POLR1A: variants seen among roughly 807,000 people sequenced by gnomAD.
POLR1A encodes the protein DNA-directed RNA polymerase I subunit RPA1.
Under a neutral mutation model 205.3 loss-of-function variants are expected in POLR1A, and 84 were observed. The observed-to-expected ratio is 0.41, with a 90% CI of 0.34 to 0.49. POLR1A has a LOEUF of 0.49. Among genes scored for constraint, POLR1A ranks in the 20% least tolerant of loss-of-function variants. The pLI, the probability that POLR1A is intolerant of heterozygous loss-of-function variation, is 0.22. For missense variants in POLR1A, 1,645 were observed against 2,204.5 expected (o/e 0.75, Z 5.08); for synonymous variants, 799 against 863.7 (o/e 0.93, Z 1.31).
chr2:86,061,987 T>A (rs954526052), intron 14 of POLR1A, among the ~76,000 whole-genome samples: 40 of 152,220 alleles, frequency 2.6e-4, no homozygotes, highest in Non-Finnish European at 2.2e-4. Flanking sequence ...TCTCTTTCTT[T>A]GCATGCTCTT....
intron 24 of POLR1A, among the ~76,000 whole-genome samples, chr2:86,041,183 G>A (rs1276471497): frequency 6.6e-5 from 6 of 90,346 alleles, no homozygotes; most frequent in African/African-American, 2.0e-4. Flanking sequence ...GTGTGTGTGT[G>A]TGTGTGTGCG....
At chr2:86,075,799 C>T (rs911562732) in intron 11 of POLR1A, among the ~76,000 whole-genome samples, 3 of 152,230 alleles carry the variant, frequency 2.0e-5, no homozygotes, top group South Asian at 2.1e-4. Context: ...TGAGCCACCG[C>T]GCCCAGCCAA....
chr2:86,028,336 C>A lies in POLR1A; in HGVS notation c.4897+258G>T, dbSNP rs576781888. ...CTGAAACCCCAAAGGCAGGATGGGG[C>A]CAAGTTATCAATCAGGAGCTTTCTC... On this transcript the variant is annotated intron_variant, in intron 32 of 33. Transcript: ENST00000263857. The surrounding 1 kb of genome is among the most constrained non-coding windows in gnomAD (Gnocchi z 4.5). Among the ~76,000 whole-genome samples the A allele has an allele frequency of 1.3e-5, 2 of 152,324 alleles. No homozygotes were observed. Among genetic ancestry groups the A allele is most frequent in the Middle Eastern group, 3.4e-3 (1 of 294 alleles).
chr2:86,047,638 C>T (rs1672733050), intron 18 of POLR1A, among the ~76,000 whole-genome samples: 1 of 152,176 alleles, frequency 6.6e-6, no homozygotes, highest in Non-Finnish European at 1.5e-5. Context: ...CTTGATTCGC[C>T]CAGCAGAGCC....
chr2:86,053,026 C>T (rs200172331), intron 15 of POLR1A, 26 bp from the exon 16 acceptor site: 21 of 1,517,150 alleles, frequency 1.4e-5, no homozygotes, highest in East Asian at 9.9e-5. Flanking sequence ...CCACCAATGC[C>T]GGGCTGCGGG....
In POLR1A at chr2:86,032,331, C is replaced by T; in HGVS notation, c.4213G>A (p.Ala1405Thr). The T allele has an allele frequency of 6.2e-7, 1 of 1,613,874 alleles. No individual in the cohort carries two copies. The highest frequency in any genetic ancestry group is 8.5e-7 in the Non-Finnish European group (1 of 1,179,760). ...EEEGHIVDAE[A>T]EEGDADASDA... Reference sequence around the variant, plus strand: ...GAGGCATCGGCGTCCCCCTCCTCAGCTTCAGCATCCACAATGTGCCCCTCC... The same window carrying T: ...GAGGCATCGGCGTCCCCCTCCTCAGTTTCAGCATCCACAATGTGCCCCTCC... The change falls in exon 29 of 34, where the codon GCT becomes ACT. Residue 1405 changes from alanine (A) to threonine (T), a missense_variant. Around this residue, in one of 16 missense-constraint regions of POLR1A, gnomAD observed 394 missense variants for 468.5 expected, o/e 0.84. Coordinates refer to ENST00000263857, the MANE Select transcript of POLR1A (RefSeq NM_015425.6).
intron 14 of POLR1A, among the ~76,000 whole-genome samples, chr2:86,057,851 T>C (rs1672923499): frequency 6.6e-6 from 1 of 152,148 alleles, no homozygotes; most frequent in African/African-American, 2.4e-5. Context: ...TTTGGAGTGA[T>C]GGAAATGTTC....
Position 86,027,267 on chromosome 2 carries a change from C to A in POLR1A, c.*156G>T. On this transcript the variant is annotated 3_prime_UTR_variant, in exon 34 of 34. Transcript: ENST00000263857. The stretch of plus-strand genomic sequence containing the variant: ...AGGTGAAGCTGGCCCAGCTCAGAGG[C>A]CCACTGCTTTCAGGCCCAAGGTCGC... 1 of 653,328 alleles carries A rather than the reference C, an allele frequency of 1.5e-6. No individual in the cohort carries two copies. The allele number at this position is 653,328 out of a possible 1,614,324, so 40.5% of individuals were successfully genotyped here.
chr2:86,049,725 GCA>G (rs1453902658), intron 16 of POLR1A, among the ~76,000 whole-genome samples: 1 of 152,080 alleles, frequency 6.6e-6, no homozygotes, highest in African/African-American at 2.4e-5. Context: ...ACCTGTGTAG[GCA>G]CACACACAGA....
At position 86,075,208 on chromosome 2, in the gene POLR1A, T is replaced by G. The variant is rs1673260068; in HGVS notation, c.1433A>C (p.Gln478Pro). ...GTTGATGACCGCTTGCCTAAGTTCCTGAACATTCCATGGGGTAACTGGCTG... is the reference window on the plus strand; with the variant it reads ...GTTGATGACCGCTTGCCTAAGTTCCGGAACATTCCATGGGGTAACTGGCTG... ...YPQPVTPWNVQELRQAVINGP... is the reference protein window; with the variant it reads ...YPQPVTPWNVPELRQAVINGP... Residue 478 changes from glutamine (Q) to proline (P), a missense_variant, in exon 12 of 34, where the codon CAG becomes CCG. This residue lies in a region of POLR1A where 131 missense variants were observed against 214.5 expected (regional missense o/e 0.61). Coordinates refer to ENST00000263857, the MANE Select transcript of POLR1A (RefSeq NM_015425.6). The G allele has an allele frequency of 1.9e-6, 3 of 1,612,414 alleles. No homozygotes were observed. The highest frequency in any genetic ancestry group is 1.7e-5 in the Admixed American group (1 of 59,864).
rs1672618535 is a variant in POLR1A, at chr2:86,041,973, A to T, written c.3488T>A (p.Phe1163Tyr). The T allele has an allele frequency of 6.2e-7, 1 of 1,614,134 alleles. No individual in the cohort carries two copies. The highest frequency in any genetic ancestry group is 1.7e-4 in the Middle Eastern group (1 of 6,058). Residue 1163 changes from phenylalanine to tyrosine, a missense_variant, in exon 24 of 34, where the codon TTT (phenylalanine) becomes TAT (tyrosine). By Grantham distance (22) the Phe-to-Tyr change is conservative (BLOSUM62 3). This residue lies in a region of POLR1A where 201 missense variants were observed against 222.3 expected (regional missense o/e 0.90). Transcript: ENST00000263857. ...ACTGTAGTCATCAACCTTTGTTTCAAATGTTTCTGACACTGATGCAAAGTA... is the reference window on the plus strand; with the variant it reads ...ACTGTAGTCATCAACCTTTGTTTCATATGTTTCTGACACTGATGCAAAGTA... ...DIYFASVSET[F>Y]ETKVDDYSQE...
intron 13 of POLR1A, among the ~76,000 whole-genome samples, chr2:86,066,679 C>A (rs141021783): frequency 6.6e-6 from 1 of 152,230 alleles, no homozygotes; most frequent in East Asian, 1.9e-4. Context: ...GGGAGAAGCA[C>A]CAGAAATTTA....
At chr2:86,054,766 G>A (rs1672867307) in intron 14 of POLR1A, among the ~76,000 whole-genome samples, 1 of 152,238 alleles carries the variant, frequency 6.6e-6, no homozygotes, top group South Asian at 2.1e-4. Context: ...ACTGCTAACA[G>A]GAAGCCAAGA....
At chr2:86,060,263 T>C (rs1001821562) in intron 14 of POLR1A, among the ~76,000 whole-genome samples, 2 of 152,182 alleles carry the variant, frequency 1.3e-5, no homozygotes, top group African/African-American at 4.8e-5. Flanking sequence ...GCAATCCCAA[T>C]GAAAAATTCT....
intron 16 of POLR1A, among the ~76,000 whole-genome samples, chr2:86,050,347 A>G (rs1672781760): frequency 6.6e-6 from 1 of 152,212 alleles, no homozygotes; most frequent in African/African-American, 2.4e-5. Flanking sequence ...TTCCCAACGC[A>G]AGGTCCTGGA....
chr2:86,049,797 G>A (rs1173584961), intron 16 of POLR1A, among the ~76,000 whole-genome samples: 1 of 152,194 alleles, frequency 6.6e-6, no homozygotes, highest in Non-Finnish European at 1.5e-5. Context: ...TGCTTCAGGA[G>A]GATGACAGCC....
chr2:86,101,024 G>C (rs1001090330), intron 1 of POLR1A, among the ~76,000 whole-genome samples: 2 of 152,156 alleles, frequency 1.3e-5, no homozygotes, highest in Non-Finnish European at 2.9e-5. Flanking sequence ...TCAATGAAGG[G>C]AATGTGATGC....
chr2:86,098,689 G>T lies in POLR1A; in HGVS notation c.354C>A (p.His118Gln), dbSNP rs772833934. 4.3e-6 allele frequency: 7 copies of T among 1,613,730 alleles called. No homozygotes were observed. The highest frequency in any genetic ancestry group is 1.3e-5 in the African/African-American group (1 of 74,862). ...HMLTCPRAVI[H>Q]LLLCQLRVLE... ...GAACCCTCAGCTGGCAGAGTAAGAG[G>T]TGAATCACGGCCCGGGGACAAGTCA... Residue 118 changes from histidine (H) to glutamine (Q), a missense_variant, in exon 3 of 34, where the codon CAC becomes CAA. By Grantham distance (24) the His-to-Gln change is conservative (BLOSUM62 0). Coordinates refer to ENST00000263857, the MANE Select transcript of POLR1A (RefSeq NM_015425.6).
chr2:86,070,838 C>T lies in POLR1A; in HGVS notation c.1612-566G>A, dbSNP rs1040404351. Among the ~76,000 whole-genome samples, 1 of 151,982 alleles carries T rather than the reference C, an allele frequency of 6.6e-6. No homozygotes were observed. Among genetic ancestry groups the T allele is most frequent in the African/African-American group, 2.4e-5 (1 of 41,356 alleles). On this transcript the variant is annotated intron_variant, in intron 12 of 33. Coordinates refer to ENST00000263857, the MANE Select transcript of POLR1A (RefSeq NM_015425.6). This position sits in a 1 kb window ranked among gnomAD's most constrained non-coding sequence, Gnocchi z 4.4. ...TGCCCTCAGAGAACACTTTATTGCA[C>T]TTCAAAAATTAAGAGCTGTAAATTG...
Sources: gnomAD v4.1 joint callset for allele counts (sites outside exome capture counted in the v4.1 genomes callset) on GRCh38, gnomAD v4.1.1 for gene constraint, gnomAD v4.1.1 regional missense constraint, Gnocchi (gnomAD v3.1) non-coding constraint, MANE v1.5 for transcripts, NCBI Gene and HGNC (gene_info 2026-07-23, HGNC 2026-07-21) for gene names.